PDZRN3: variants seen among roughly 807,000 people sequenced by gnomAD.
PDZRN3 encodes the protein PDZ domain containing ring finger 3, also known as E3 ubiquitin-protein ligase PDZRN3.
PDZRN3 carries 38 observed loss-of-function variants against 85.7 expected under a neutral mutation model. The observed-to-expected ratio is 0.44, with a 90% CI of 0.34 to 0.58. The LOEUF (loss-of-function observed/expected upper bound fraction) is 0.58, where lower values mean the gene tolerates loss of function less well. Among genes scored for constraint, PDZRN3 ranks in the 20% least tolerant of loss-of-function variants. PDZRN3 has a pLI of 0.01. For missense variants in PDZRN3, 1,629 were observed against 1,506.4 expected, an observed-to-expected ratio of 1.08 and a Z score of -1.35; for synonymous variants, 759 against 638.0, an observed-to-expected ratio of 1.19 and a Z score of -2.86.
intron 6 of PDZRN3, among the ~76,000 whole-genome samples, chr3:73,390,665 G>GAC (rs1701505029): frequency 6.6e-6 from 1 of 151,686 alleles, no homozygotes; most frequent in Non-Finnish European, 1.5e-5. Flanking sequence ...GAGAGAGAGA[G>GAC]AGAGAGAGGC....
chr3:73,609,878 T>A (rs1160194846), intron 1 of PDZRN3, among the ~76,000 whole-genome samples: 1 of 152,220 alleles, frequency 6.6e-6, no homozygotes, highest in Non-Finnish European at 1.5e-5. Flanking sequence ...CCCTGTGAGT[T>A]TTCTGGAGCA....
chr3:73,520,335 T>G (rs189036902), intron 3 of PDZRN3, among the ~76,000 whole-genome samples: 48 of 152,050 alleles, frequency 3.2e-4, no homozygotes, highest in Admixed American at 1.3e-4. Flanking sequence ...TGAGGCCTTG[T>G]CTCTATTAAA....
intron 3 of PDZRN3, among the ~76,000 whole-genome samples, chr3:73,587,195 G>A (rs73102415): frequency 0.018 from 2,749 of 152,304 alleles, 28 homozygotes; most frequent in Non-Finnish European, 0.025. Context: ...AGTGGCAAAT[G>A]GCATTAGAAG....
intron 3 of PDZRN3, chr3:73,569,285 C>T (rs1273642031): frequency 8.0e-7 from 1 of 1,249,194 alleles, no homozygotes; most frequent in African/African-American, 1.6e-5. Context: ...GAAATGAAGA[C>T]TGAGATACTG....
rs890246510 is a variant in PDZRN3 at position 73,624,341 on chromosome 3, C to T, written c.485G>A (p.Cys162Tyr). The T allele has an allele frequency of 3.8e-6, 5 of 1,303,754 alleles. No homozygotes were observed. Among genetic ancestry groups the T allele is most frequent in the African/African-American group, 1.6e-5 (1 of 64,386 alleles). The allele number at this position is 1,303,754 out of a possible 1,614,324, so 80.8% of individuals were successfully genotyped here. The change falls in exon 1 of 10, where the codon TGC becomes TAC. Residue 162 changes from cysteine (C) to tyrosine (Y), a missense_variant. By Grantham distance (194) the Cys-to-Tyr change is radical. Transcript: ENST00000263666. Reference protein sequence around the residue: ...HGEQRAGGHCCARALRAHNGA... With the variant: ...HGEQRAGGHCYARALRAHNGA... ...GTTGTGCGCCCGCAGCGCTCGCGCGCAGCAGTGGCCGCCCGCGCGCTGCTC... is the reference window on the plus strand; with the variant it reads ...GTTGTGCGCCCGCAGCGCTCGCGCGTAGCAGTGGCCGCCCGCGCGCTGCTC...
At chr3:73,538,403 T>TA (rs1369350366) in intron 3 of PDZRN3, among the ~76,000 whole-genome samples, 1 of 152,174 alleles carries the variant, frequency 6.6e-6, no homozygotes, top group Non-Finnish European at 1.5e-5. Context: ...ATAATACTCC[T>TA]AAAAAAGTCA....
intron 3 of PDZRN3, among the ~76,000 whole-genome samples, chr3:73,538,854 T>C (rs1704850352): frequency 6.6e-6 from 1 of 152,158 alleles, no homozygotes; most frequent in African/African-American, 2.4e-5. Flanking sequence ...CTAATTACAG[T>C]GATATGAAGG....
intron 3 of PDZRN3, among the ~76,000 whole-genome samples, chr3:73,574,360 G>C (rs141617776): frequency 3.4e-5 from 5 of 148,144 alleles, no homozygotes; most frequent in African/African-American, 1.2e-4. Flanking sequence ...TGGTATAGCT[G>C]AGAAATCCTT....
intron 3 of PDZRN3, among the ~76,000 whole-genome samples, chr3:73,575,880 A>T (rs1702116067): frequency 6.6e-6 from 1 of 152,198 alleles, no homozygotes; most frequent in Non-Finnish European, 1.5e-5. Flanking sequence ...CTAAGCAGTA[A>T]GCCTCTTAAC....
intron 3 of PDZRN3, among the ~76,000 whole-genome samples, chr3:73,590,017 C>T (rs375071744): frequency 6.6e-6 from 1 of 151,676 alleles, no homozygotes; most frequent in Non-Finnish European, 1.5e-5. Context: ...GCATGTAATC[C>T]CAACACTTTG....
chr3:73,547,876 A>C (rs1397895984), intron 3 of PDZRN3, among the ~76,000 whole-genome samples: 1 of 152,214 alleles, frequency 6.6e-6, no homozygotes, highest in Admixed American at 6.5e-5. Context: ...AAGAAGAATG[A>C]AGCGGGGGAG....
At position 73,598,394 on chromosome 3, in the gene PDZRN3, CT is replaced by C. The variant is rs1702462259; in HGVS notation, c.918+3959del. On this transcript the variant is annotated intron_variant, in intron 3 of 9. Transcript: ENST00000263666. ...GGAGAAATTAAATTTAGTTTTCTAA[CT>C]GCAATAAGTATATGCAATCAAAGGT... Among the ~76,000 whole-genome samples the C allele has an allele frequency of 2.6e-5, 4 of 152,162 alleles. No homozygotes were observed. The South Asian group carries it at 8.3e-4, about 32-fold the overall frequency.
chr3:73,525,325 C>T (rs1234320652), intron 3 of PDZRN3, among the ~76,000 whole-genome samples: 1 of 152,094 alleles, frequency 6.6e-6, no homozygotes, highest in Non-Finnish European at 1.5e-5. Context: ...AGAGGAATGC[C>T]ATGTTTTATG....
intron 3 of PDZRN3, among the ~76,000 whole-genome samples, chr3:73,535,699 T>C (rs190498376): frequency 2.6e-5 from 4 of 152,342 alleles, no homozygotes; most frequent in Admixed American, 1.3e-4. Flanking sequence ...ATTAGAGTAA[T>C]TGCACGCTTA....
At chr3:73,595,199 C>G (rs548439750) in intron 3 of PDZRN3, among the ~76,000 whole-genome samples, 2 of 152,222 alleles carry the variant, frequency 1.3e-5, no homozygotes, top group Non-Finnish European at 1.5e-5. Flanking sequence ...TCTCTAAAAT[C>G]TGCTTACTTT....
At position 73,397,462 on chromosome 3, in the gene PDZRN3, G is replaced by A. The variant is rs114369080; in HGVS notation, c.1254+3460C>T. Among the ~76,000 whole-genome samples the A allele has an allele frequency of 6.1e-3, 929 of 152,306 alleles. 12 individuals carry two copies. The highest frequency in any genetic ancestry group is 0.022 in the African/African-American group (898 of 41,558). On this transcript the variant is annotated intron_variant, in intron 5 of 9. Coordinates refer to ENST00000263666, the MANE Select transcript of PDZRN3 (RefSeq NM_015009.3). ...GACTGCGACTGTTCTAAGAAATCTCGTGTAGAAGCAGGGATGACAGGCATG... is the reference window on the plus strand; with the variant it reads ...GACTGCGACTGTTCTAAGAAATCTCATGTAGAAGCAGGGATGACAGGCATG...
At chr3:73,500,252 T>C (rs549312497) in intron 3 of PDZRN3, among the ~76,000 whole-genome samples, 52 of 152,292 alleles carry the variant, frequency 3.4e-4, no homozygotes, top group East Asian at 2.3e-3. Flanking sequence ...TCTCACTATA[T>C]TGCCCAGGCT....
intron 3 of PDZRN3, chr3:73,474,678 G>A (rs572258637): frequency 3.8e-6 from 4 of 1,045,076 alleles, no homozygotes; most frequent in African/African-American, 3.4e-5. Context: ...AGAATAGGGA[G>A]GCACTGAACA....
intron 3 of PDZRN3, among the ~76,000 whole-genome samples, chr3:73,535,896 T>A (rs952711726): frequency 2.4e-4 from 36 of 152,314 alleles, no homozygotes; most frequent in African/African-American, 8.7e-4. Context: ...GGCTTAGGAA[T>A]TAACTGCAGG....
Sources: gnomAD v4.1 joint callset for allele counts (sites outside exome capture counted in the v4.1 genomes callset) on GRCh38, gnomAD v4.1.1 for gene constraint, MANE v1.5 for transcripts, NCBI Gene and HGNC (gene_info 2026-07-23, HGNC 2026-07-21) for gene names.